The following PREX1 variants were observed in gnomAD, a reference collection of about 807,000 sequenced individuals.
PREX1 encodes the protein phosphatidylinositol-3,4,5-trisphosphate dependent Rac exchange factor 1.
Under a neutral mutation model 198.3 loss-of-function variants are expected in PREX1, and 41 were observed. The observed-to-expected ratio is 0.21, with a 90% confidence interval of 0.16 to 0.27. PREX1 has a LOEUF of 0.27. Among genes scored for constraint, PREX1 ranks in the 10% least tolerant of loss-of-function variants. The pLI is 1.00. For synonymous variants in PREX1, 843 were observed against 887.2 expected, an observed-to-expected ratio of 0.95 and a Z score of 0.89; for missense variants, 1,620 against 2,200.7, an observed-to-expected ratio of 0.74 and a Z score of 5.28.
chr20:48,649,563 G>A lies in PREX1; in HGVS notation c.3042C>T (p.Pro1014=). The A allele has an allele frequency of 6.3e-7, 1 of 1,598,576 alleles. No individual in the cohort carries two copies. Among genetic ancestry groups the A allele is most frequent in the Non-Finnish European group, 8.5e-7 (1 of 1,171,726 alleles). Residue 1014 remains proline, a synonymous_variant, in exon 25 of 40, where the codon CCC becomes CCT. Coordinates refer to ENST00000371941, the MANE Select transcript of PREX1 (RefSeq NM_020820.4). ...GLDPEQGHLN[P]MSYTQHCITT... ...TGATGCAGTGCTGGGTGTACGACAT[G>A]GGGTTCAGGTGGCCTGCAGTGGAGG...
At chr20:48,633,681 AC>A (rs2089333663) in intron 33 of PREX1, among the ~76,000 whole-genome samples, 1 of 151,920 alleles carries the variant, frequency 6.6e-6, no homozygotes, top group South Asian at 2.1e-4. Flanking sequence ...CGCTCTGAGA[AC>A]CCCTGCTTTC....
At chr20:48,686,568 G>A (rs942440291) in intron 10 of PREX1, among the ~76,000 whole-genome samples, 2 of 152,190 alleles carry the variant, frequency 1.3e-5, no homozygotes, top group Admixed American at 1.3e-4. Context: ...CTGGCCCCAG[G>A]GGGCCCGGAA....
At chr20:48,799,410 G>A (rs1243714920) in intron 1 of PREX1, among the ~76,000 whole-genome samples, 1 of 152,156 alleles carries the variant, frequency 6.6e-6, no homozygotes, top group Non-Finnish European at 1.5e-5. Context: ...CTCTAAGCCT[G>A]TGTCCACCCA....
chr20:48,808,568 A>T (rs2090421924), intron 1 of PREX1, among the ~76,000 whole-genome samples: 1 of 152,150 alleles, frequency 6.6e-6, no homozygotes, highest in Non-Finnish European at 1.5e-5. Flanking sequence ...ACAAGTAGCC[A>T]GAGGGATCCT....
chr20:48,679,557 C>A (rs2089734197), intron 12 of PREX1, 94 bp downstream of exon 12: 1 of 1,419,126 alleles, frequency 7.0e-7, no homozygotes. Flanking sequence ...AGAAGGCAAA[C>A]AAGCCAAGGG....
At chr20:48,791,566 G>T (rs2086572046) in intron 1 of PREX1, among the ~76,000 whole-genome samples, 1 of 152,150 alleles carries the variant, frequency 6.6e-6, no homozygotes, top group South Asian at 2.1e-4. Flanking sequence ...CTGCCATGGG[G>T]GTCCTCAACA....
chr20:48,637,822 G>A (rs2089377125), intron 30 of PREX1, 70 bp from the exon 31 acceptor site: 1 of 1,437,882 alleles, frequency 7.0e-7, no homozygotes, highest in South Asian at 1.2e-5. Context: ...GGCAGAACCG[G>A]GCCCCTCCCC....
chr20:48,671,171 T>C (rs2089672658), intron 14 of PREX1, among the ~76,000 whole-genome samples: 1 of 152,142 alleles, frequency 6.6e-6, no homozygotes, highest in Admixed American at 6.5e-5. Context: ...TAGGGGTGTA[T>C]GTCAGACCCA....
chr20:48,679,925 G>A (rs896089968), intron 11 of PREX1, among the ~76,000 whole-genome samples, 171 bp from the exon 12 acceptor site: 2 of 151,758 alleles, frequency 1.3e-5, no homozygotes, highest in Non-Finnish European at 2.9e-5. Flanking sequence ...GAAACCCCAC[G>A]AGGTGGGTGC....
At position 48,651,597 on chromosome 20, in the gene PREX1, G is replaced by T; in HGVS notation, c.2468-14C>A. On this transcript the variant is annotated splice_polypyrimidine_tract_variant and intron_variant, in intron 21 of 39. Transcript: ENST00000371941. ...GCAGTGGGAAGGCTGGAAGCCAAAA[G>T]AGGTGACATCTGAGCAGAGATCAGA... 1.2e-6 allele frequency: 2 copies of T among 1,610,926 alleles called. No individual in the cohort carries two copies. Among genetic ancestry groups the T allele is most frequent in the Non-Finnish European group, 1.7e-6 (2 of 1,178,470 alleles).
At chr20:48,795,422 C>T (rs1040983694) in intron 1 of PREX1, among the ~76,000 whole-genome samples, 1 of 151,756 alleles carries the variant, frequency 6.6e-6, no homozygotes, top group Non-Finnish European at 1.5e-5. Flanking sequence ...CCCAACCCCC[C>T]ACCCCTGAGG....
the PREX1 span, among the ~76,000 whole-genome samples, chr20:48,836,946 C>G: frequency 1.3e-5 from 2 of 149,702 alleles, no homozygotes; most frequent in Non-Finnish European, 3.0e-5. Flanking sequence ...TCTGCCAGCT[C>G]TCTGAGGGAC....
At chr20:48,881,801 G>A in the PREX1 span, among the ~76,000 whole-genome samples, 1 of 152,052 alleles carries the variant, frequency 6.6e-6, no homozygotes, top group African/African-American at 2.4e-5. Flanking sequence ...TCATCTTTAA[G>A]TGTGCAATTC....
At chr20:48,785,634 AC>A (rs1051153720) in intron 1 of PREX1, among the ~76,000 whole-genome samples, 1 of 151,818 alleles carries the variant, frequency 6.6e-6, no homozygotes, top group African/African-American at 2.4e-5. Context: ...ACCCCCTCTC[AC>A]CCTACAGAAG....
At chr20:48,868,018 T>C in the PREX1 span, among the ~76,000 whole-genome samples, 2 of 152,108 alleles carry the variant, frequency 1.3e-5, no homozygotes, top group African/African-American at 4.8e-5. Context: ...ATTAACCTGT[T>C]TGAAGTGTAC....
intron 1 of PREX1, among the ~76,000 whole-genome samples, chr20:48,777,291 C>T (rs530797375): frequency 6.6e-6 from 1 of 152,260 alleles, no homozygotes; most frequent in East Asian, 1.9e-4. Flanking sequence ...CTCCAGCCTC[C>T]AGCATGAGGC....
intron 1 of PREX1, among the ~76,000 whole-genome samples, chr20:48,776,775 CA>C (rs1033078453): frequency 1.3e-5 from 2 of 152,216 alleles, no homozygotes; most frequent in African/African-American, 4.8e-5. Flanking sequence ...CACAAAAAAT[CA>C]GAACAGCAGG....
chr20:48,856,893 G>A, the PREX1 span, among the ~76,000 whole-genome samples: 7 of 152,322 alleles, frequency 4.6e-5, no homozygotes, highest in East Asian at 1.3e-3. Context: ...AGGTTGGAAT[G>A]CAGTAGCATG....
intron 10 of PREX1, among the ~76,000 whole-genome samples, chr20:48,686,344 A>C (rs900806231): frequency 6.6e-6 from 1 of 152,204 alleles, no homozygotes; most frequent in Non-Finnish European, 1.5e-5. Flanking sequence ...CCGTGCAGGG[A>C]GAAGAGTTTA....
Sources: gnomAD v4.1 joint callset for allele counts (sites outside exome capture counted in the v4.1 genomes callset) on GRCh38, gnomAD v4.1.1 for gene constraint, MANE v1.5 for transcripts, NCBI Gene and HGNC (gene_info 2026-07-23, HGNC 2026-07-21) for gene names.